The following CACNA2D3 variants were observed in gnomAD, a reference collection of about 807,000 sequenced individuals.
CACNA2D3 encodes the protein voltage-dependent calcium channel subunit alpha-2/delta-3.
A neutral mutation model predicts 160.6 loss-of-function variants in CACNA2D3; 60 were observed. The observed-to-expected ratio is 0.37, with a 90% CI of 0.30 to 0.46. The LOEUF (loss-of-function observed/expected upper bound fraction) is 0.46, where lower values mean the gene tolerates loss of function less well. CACNA2D3 is among the 20% of genes least tolerant of loss of function. The probability of loss-of-function intolerance (pLI) is 1.00; values close to 1 mark genes in which losing one functional copy is unlikely to be tolerated. For missense variants in CACNA2D3, 1,205 were observed against 1,365.0 expected (o/e 0.88, Z 1.85); for synonymous variants, 558 against 492.9 (o/e 1.13, Z -1.75).
intron 13 of CACNA2D3, among the ~76,000 whole-genome samples, chr3:54,785,495 A>G (rs1241565699): frequency 1.3e-5 from 2 of 152,184 alleles, no homozygotes; most frequent in African/African-American, 4.8e-5. Flanking sequence ...CAAAATGTTA[A>G]GAACTATGGG....
At chr3:55,019,733 AATT>A (rs572650021) in intron 35 of CACNA2D3, among the ~76,000 whole-genome samples, 5 of 152,242 alleles carry the variant, frequency 3.3e-5, no homozygotes, top group Admixed American at 1.3e-4. Context: ...CTCCGTACTT[AATT>A]ATTATTTTCT....
At chr3:54,400,323 C>A in intron 4 of CACNA2D3, among the ~76,000 whole-genome samples, 1 of 152,096 alleles carries the variant, frequency 6.6e-6, no homozygotes, top group Non-Finnish European at 1.5e-5. Context: ...TTGGCTCCTC[C>A]GAGAGTGAAC....
chr3:54,545,951 A>G (rs992061236), intron 5 of CACNA2D3, among the ~76,000 whole-genome samples: 1 of 152,340 alleles, frequency 6.6e-6, no homozygotes, highest in Admixed American at 6.5e-5. Context: ...GCAGGTTGGC[A>G]TGCTCCATCA....
chr3:54,917,891 A>T (rs912347608), intron 27 of CACNA2D3, among the ~76,000 whole-genome samples: 1 of 151,868 alleles, frequency 6.6e-6, no homozygotes, highest in Non-Finnish European at 1.5e-5. Context: ...ATAGACTTTG[A>T]CTCTTGTGGC....
At chr3:54,708,943 C>A (rs1700903413) in intron 11 of CACNA2D3, among the ~76,000 whole-genome samples, 1 of 151,166 alleles carries the variant, frequency 6.6e-6, no homozygotes, top group South Asian at 2.1e-4. Flanking sequence ...AAGGTGAGGC[C>A]AATTTTAAAT....
chr3:54,802,060 T>A (rs561103276), intron 13 of CACNA2D3, among the ~76,000 whole-genome samples: 45 of 152,318 alleles, frequency 3.0e-4, no homozygotes, highest in African/African-American at 9.6e-4. Flanking sequence ...TTGACCCTGT[T>A]TTTATCTTAT....
chr3:54,885,119 G>A (rs572365720), intron 21 of CACNA2D3, among the ~76,000 whole-genome samples, 162 bp from the exon 22 acceptor site: 21 of 152,112 alleles, frequency 1.4e-4, no homozygotes, highest in East Asian at 9.7e-4. Context: ...AAGGGAACTC[G>A]TTTATTTTCC....
intron 17 of CACNA2D3, among the ~76,000 whole-genome samples, chr3:54,867,029 T>C (rs74767045): frequency 6.6e-6 from 1 of 152,242 alleles, no homozygotes; most frequent in East Asian, 1.9e-4. Flanking sequence ...AGTATCTGTT[T>C]ATAAACCTTT....
chr3:54,887,542 A>G (rs989746874), intron 23 of CACNA2D3, among the ~76,000 whole-genome samples: 8 of 152,198 alleles, frequency 5.3e-5, no homozygotes, highest in Non-Finnish European at 1.2e-4. Context: ...CCCATGTGAC[A>G]ACAGGCTGAG....
chr3:54,401,983 A>G (rs1048350421), intron 4 of CACNA2D3, among the ~76,000 whole-genome samples: 2 of 152,210 alleles, frequency 1.3e-5, no homozygotes, highest in African/African-American at 2.4e-5. Flanking sequence ...TCTGACATCA[A>G]AAATATAAAT....
chr3:54,921,408 TTAGTG>T (rs1383492997), intron 27 of CACNA2D3, among the ~76,000 whole-genome samples: 1 of 152,134 alleles, frequency 6.6e-6, no homozygotes, highest in Non-Finnish European at 1.5e-5. Flanking sequence ...GAGTAAATGT[TTAGTG>T]AAGTGAAGAT....
chr3:54,585,843 A>C (rs1702750875), intron 9 of CACNA2D3, among the ~76,000 whole-genome samples: 1 of 152,212 alleles, frequency 6.6e-6, no homozygotes, highest in African/African-American at 2.4e-5. Flanking sequence ...GGTGGGACAC[A>C]GCCAAAATAT....
At chr3:54,687,145 T>TTTTTTTTTTTTTTTTTG (rs1559549506) in intron 11 of CACNA2D3, among the ~76,000 whole-genome samples, 1 of 74,598 alleles carries the variant, frequency 1.3e-5, no homozygotes, top group East Asian at 2.3e-4. Context: ...GTTTTTTTTT[T>TTTTTTTTTTTTTTTTTG]TTTTTGTTTT....
chr3:54,298,579 A>T (rs969762885), intron 2 of CACNA2D3, among the ~76,000 whole-genome samples: 21 of 152,220 alleles, frequency 1.4e-4, no homozygotes, highest in African/African-American at 3.6e-4. Flanking sequence ...TGGGTGGATC[A>T]CTTGAGCCTA....
chr3:54,574,640 A>G (rs967500700), intron 8 of CACNA2D3, among the ~76,000 whole-genome samples: 1 of 152,214 alleles, frequency 6.6e-6, no homozygotes, highest in African/African-American at 2.4e-5. Flanking sequence ...TGACAAGAGA[A>G]AAGGCATATT....
At chr3:54,228,738 CT>C (rs1701717664) in intron 2 of CACNA2D3, among the ~76,000 whole-genome samples, 1 of 152,208 alleles carries the variant, frequency 6.6e-6, no homozygotes, top group Non-Finnish European at 1.5e-5. Flanking sequence ...GGATAATAGC[CT>C]CAGTCTGAAT....
At chr3:54,481,695 A>G (rs543020282) in intron 4 of CACNA2D3, among the ~76,000 whole-genome samples, 1 of 152,310 alleles carries the variant, frequency 6.6e-6, no homozygotes, top group Admixed American at 6.5e-5. Context: ...CTATCACTAG[A>G]TGAGTTTGTC....
intron 11 of CACNA2D3, among the ~76,000 whole-genome samples, chr3:54,718,121 A>C (rs1575438906): frequency 6.6e-6 from 1 of 152,130 alleles, no homozygotes; most frequent in Non-Finnish European, 1.5e-5. Context: ...GTCATTCTTT[A>C]TGTATTCCAG....
chr3:54,924,798 C>T (rs148479869), intron 27 of CACNA2D3: 3 of 1,613,966 alleles, frequency 1.9e-6, no homozygotes, highest in Non-Finnish European at 2.5e-6. Flanking sequence ...CCAAGTCTCT[C>T]CCAAGGATGT....
Sources: allele counts gnomAD v4.1 joint callset (sites outside exome capture counted in the v4.1 genomes callset), GRCh38; gene constraint gnomAD v4.1.1; transcripts MANE v1.5; gene names NCBI Gene and HGNC (gene_info 2026-07-23, HGNC 2026-07-21).